Variants in PTPRG observed in about 807,000 individuals in gnomAD.
The protein encoded by PTPRG is receptor-type tyrosine-protein phosphatase gamma.
PTPRG carries 102 observed loss-of-function variants against 165.3 expected under a neutral mutation model. The observed-to-expected ratio is 0.62, with a 90% CI of 0.53 to 0.73. The LOEUF (loss-of-function observed/expected upper bound fraction) is 0.73. PTPRG is among the 30% of genes least tolerant of loss of function. PTPRG has a pLI of 0.00. For missense variants in PTPRG, 1,866 were observed against 1,861.4 expected, an observed-to-expected ratio of 1.00 and a Z score of -0.05; for synonymous variants, 675 against 669.5, an observed-to-expected ratio of 1.01 and a Z score of -0.13.
At chr3:61,579,019 G>T (rs1700225089) in intron 1 of PTPRG, among the ~76,000 whole-genome samples, 1 of 152,118 alleles carries the variant, frequency 6.6e-6, no homozygotes, top group Non-Finnish European at 1.5e-5. Flanking sequence ...GCCCCATCTC[G>T]AGCCTTGGAA....
At chr3:61,601,707 T>C (rs1334248057) in intron 1 of PTPRG, among the ~76,000 whole-genome samples, 1 of 152,178 alleles carries the variant, frequency 6.6e-6, no homozygotes, top group Admixed American at 6.5e-5. Flanking sequence ...TATCAGCCTT[T>C]ATGGAGCTTG....
At chr3:62,108,358 T>C (rs1702547028) in intron 5 of PTPRG, among the ~76,000 whole-genome samples, 1 of 152,230 alleles carries the variant, frequency 6.6e-6, no homozygotes, top group Non-Finnish European at 1.5e-5. Context: ...TCCATGTCCC[T>C]GCAAAGGAGA....
intron 2 of PTPRG, among the ~76,000 whole-genome samples, chr3:61,898,192 ATC>A (rs2038411568): frequency 6.6e-6 from 1 of 152,064 alleles, no homozygotes; most frequent in African/African-American, 2.4e-5. Flanking sequence ...TACGTTACAA[ATC>A]TCTCTGTAGG....
At chr3:61,638,826 A>G (rs1701990252) in intron 1 of PTPRG, among the ~76,000 whole-genome samples, 1 of 152,014 alleles carries the variant, frequency 6.6e-6, no homozygotes, top group Admixed American at 6.6e-5. Flanking sequence ...TATTGGTCAG[A>G]TGCATATTTG....
chr3:61,608,237 G>C (rs552504587), intron 1 of PTPRG, among the ~76,000 whole-genome samples: 1 of 152,012 alleles, frequency 6.6e-6, no homozygotes, highest in African/African-American at 2.4e-5. Context: ...CCATAAAGCT[G>C]AGCAGCTAGG....
intron 2 of PTPRG, among the ~76,000 whole-genome samples, chr3:61,913,369 G>A (rs2038850898): frequency 1.3e-5 from 2 of 152,050 alleles, no homozygotes; most frequent in African/African-American, 2.4e-5. Flanking sequence ...ACAGGTGCCC[G>A]CCACCACGCC....
intron 4 of PTPRG, among the ~76,000 whole-genome samples, chr3:62,065,567 A>C (rs1370267410): frequency 2.0e-5 from 3 of 152,162 alleles, no homozygotes; most frequent in Admixed American, 2.0e-4. Context: ...GCTGTTGGTT[A>C]TTTTAAGGGA....
chr3:62,258,110 C>A (rs1251241869), intron 16 of PTPRG, among the ~76,000 whole-genome samples: 1 of 152,042 alleles, frequency 6.6e-6, no homozygotes, highest in Non-Finnish European at 1.5e-5. Flanking sequence ...ATTAGGAACC[C>A]CCCCCACTAG....
At chr3:62,118,803 C>G (rs969132946) in intron 5 of PTPRG, among the ~76,000 whole-genome samples, 1 of 152,142 alleles carries the variant, frequency 6.6e-6, no homozygotes, top group Non-Finnish European at 1.5e-5. Flanking sequence ...TCCACTTGCC[C>G]AGAGTGATTA....
chr3:61,597,257 G>A (rs1335864043), intron 1 of PTPRG, among the ~76,000 whole-genome samples: 36 of 152,184 alleles, frequency 2.4e-4, no homozygotes. Context: ...TGACCTTTGG[G>A]CGACAGATTC....
At chr3:61,563,916 C>T (rs1265427898) in intron 1 of PTPRG, among the ~76,000 whole-genome samples, 7 of 152,220 alleles carry the variant, frequency 4.6e-5, no homozygotes, top group Admixed American at 3.9e-4. Flanking sequence ...CCCCTTTTCT[C>T]TCTGCGCATC....
chr3:61,724,544 T>C (rs545637287), intron 1 of PTPRG, among the ~76,000 whole-genome samples: 17 of 152,226 alleles, frequency 1.1e-4, no homozygotes, highest in African/African-American at 3.6e-4. Flanking sequence ...TAAATGTATA[T>C]TTAAGTTTTT....
chr3:61,766,931 T>G (rs1055098287), intron 2 of PTPRG, among the ~76,000 whole-genome samples: 3 of 151,726 alleles, frequency 2.0e-5, no homozygotes, highest in African/African-American at 7.3e-5. Context: ...AGCCATTGAT[T>G]ATTAAACATG....
At chr3:61,570,566 A>G (rs1700032487) in intron 1 of PTPRG, among the ~76,000 whole-genome samples, 1 of 152,164 alleles carries the variant, frequency 6.6e-6, no homozygotes, top group South Asian at 2.1e-4. Context: ...TAGTTACAAT[A>G]TACATCTAAG....
chr3:61,709,452 T>C (rs2031440868), intron 1 of PTPRG, among the ~76,000 whole-genome samples: 1 of 152,108 alleles, frequency 6.6e-6, no homozygotes, highest in South Asian at 2.1e-4. Context: ...ATAGCTGGGA[T>C]TACAGGCATG....
intron 8 of PTPRG, among the ~76,000 whole-genome samples, chr3:62,179,640 C>G (rs1328645962): frequency 6.6e-6 from 1 of 152,218 alleles, no homozygotes; most frequent in Non-Finnish European, 1.5e-5. Context: ...GTGGCTCAGT[C>G]CCTGCCATGT....
intron 2 of PTPRG, among the ~76,000 whole-genome samples, chr3:61,919,434 G>A (rs1575784443): frequency 6.6e-6 from 1 of 152,226 alleles, no homozygotes; most frequent in Admixed American, 6.5e-5. Flanking sequence ...CATCTGCGAT[G>A]TGTGCATCTC....
At chr3:61,621,035 A>ATG (rs1701437657) in intron 1 of PTPRG, among the ~76,000 whole-genome samples, 8 of 111,656 alleles carry the variant, frequency 7.2e-5, no homozygotes, top group Admixed American at 7.0e-4. Context: ...GTGTGTGTGT[A>ATG]TATATATATA....
At chr3:61,796,996 TA>T (rs2035066788) in intron 2 of PTPRG, among the ~76,000 whole-genome samples, 2 of 152,184 alleles carry the variant, frequency 1.3e-5, no homozygotes, top group African/African-American at 4.8e-5. Context: ...GATTCAGCTT[TA>T]TATATTTGGA....
Sources: allele counts gnomAD v4.1 joint callset (sites outside exome capture counted in the v4.1 genomes callset), GRCh38; gene constraint gnomAD v4.1.1; transcripts MANE v1.5; gene names NCBI Gene and HGNC (gene_info 2026-07-23, HGNC 2026-07-21).